The following ZDHHC21 variants were observed in gnomAD, a reference collection of about 807,000 sequenced individuals.
ZDHHC21 encodes the protein zDHHC palmitoyltransferase 21.
A neutral mutation model predicts 34.6 loss-of-function variants in ZDHHC21; 15 were observed. The observed-to-expected ratio is 0.43, with a 90% CI of 0.29 to 0.67. ZDHHC21 has a LOEUF of 0.67. Ranked by LOEUF, ZDHHC21 falls within the 30% of genes least tolerant of loss-of-function variation. The pLI is 0.14. For synonymous variants in ZDHHC21, 142 were observed against 101.8 expected (o/e 1.40, Z -2.38); for missense variants, 344 against 327.7 (o/e 1.05, Z -0.38).
chr9:14,646,433 T>C (rs1564281119), intron 7 of ZDHHC21, among the ~76,000 whole-genome samples: 1 of 152,092 alleles, frequency 6.6e-6, no homozygotes, highest in African/African-American at 2.4e-5. Flanking sequence ...TTAAAATACA[T>C]ATAAAACATA....
At position 14,616,745 on chromosome 9, in the gene ZDHHC21, T is replaced by C. The variant is rs992010490; in HGVS notation, c.*2221A>G. 2.0e-5 allele frequency: 3 copies of C among 151,850 alleles called. No homozygotes were observed. Among genetic ancestry groups the C allele is most frequent in the Non-Finnish European group, 2.9e-5 (2 of 67,816 alleles). 9.4% of individuals were successfully genotyped at this position (151,850 alleles called of 1,614,324 possible). A position where few individuals can be genotyped will look rare whatever the true frequency, so the allele number is the denominator to read the frequency against. ...ATACTGTAATATACATTCTTATGTA[T>C]ATATACTGATAGATAGCATTTCTGC... is the stretch of plus-strand genomic sequence containing the variant. On this transcript the variant is annotated 3_prime_UTR_variant, in exon 10 of 10. Transcript: ENST00000380916.
At chr9:14,656,791 C>G (rs1245906912) in intron 7 of ZDHHC21, among the ~76,000 whole-genome samples, 1 of 151,872 alleles carries the variant, frequency 6.6e-6, no homozygotes, top group African/African-American at 2.4e-5. Flanking sequence ...ATGCTACTAA[C>G]ATATTATTAT....
Position 14,619,570 on chromosome 9 carries a change from C to T in ZDHHC21, c.665+69G>A, listed in dbSNP as rs1824901557. On this transcript the variant is annotated intron_variant, in intron 9 of 9. Coordinates refer to ENST00000380916, the MANE Select transcript of ZDHHC21 (RefSeq NM_178566.6). ...TTATATTATCTATCTACCATATGCA[C>T]ATATTTCTCAAGTATGTCCAGTTCT... The T allele has an allele frequency of 3.4e-6, 4 of 1,188,366 alleles. No individual in the cohort carries two copies. The Admixed American group carries it at 7.1e-5, about 21-fold the overall frequency. 73.6% of individuals were successfully genotyped at this position (1,188,366 alleles called of 1,614,324 possible).
intron 5 of ZDHHC21, among the ~76,000 whole-genome samples, chr9:14,670,104 G>A (rs1032458361): frequency 3.3e-5 from 5 of 151,918 alleles, no homozygotes; most frequent in South Asian, 4.2e-4. Context: ...GCTCCACAAC[G>A]AGCCAATTTT....
intron 2 of ZDHHC21, among the ~76,000 whole-genome samples, chr9:14,683,356 G>T (rs1837720737): frequency 6.6e-6 from 1 of 152,062 alleles, no homozygotes; most frequent in African/African-American, 2.4e-5. Context: ...AATAAAAAAT[G>T]ATAAAGAGGA....
At position 14,618,970 on chromosome 9, in the gene ZDHHC21, A is replaced by C. The variant is rs1346934237; in HGVS notation, c.794T>G (p.Val265Gly). ...CTGTGCCCACCATCCATCTGTTTAG[A>C]CATGATTGGCAAAGTGGTAGGGAAC... ...LRVPYHFANH[V>G] The change falls in exon 10 of 10, where the codon GTC (valine) becomes GGC (glycine). Residue 265 changes from valine to glycine, a missense_variant. Transcript: ENST00000380916. The C allele has an allele frequency of 7.5e-6, 12 of 1,608,278 alleles. No individual in the cohort carries two copies. The Admixed American group carries it at 2.0e-4, about 27-fold the overall frequency.
rs1475440408 is a variant in ZDHHC21 at position 14,632,560 on chromosome 9, ACAAAAAGC to A, written c.621+7328_621+7335del. Among the ~76,000 whole-genome samples the A allele has an allele frequency of 2.3e-3, 142 of 60,526 alleles. 56 individuals carry two copies. Among genetic ancestry groups the A allele is most frequent in the African/African-American group, 5.5e-3 (55 of 10,046 alleles). The allele number at this position is 60,526 out of a possible 152,430, so 39.7% of individuals were successfully genotyped here. A position where few individuals can be genotyped will look rare whatever the true frequency, so the allele number is the denominator to read the frequency against. ...TAGGCAATGGTATCTTAGATATGAC[ACAAAAAGC>A]ATATACTACCCAAGAAAAAAATAAA... On this transcript the variant is annotated intron_variant, in intron 8 of 9. Coordinates refer to ENST00000380916, the MANE Select transcript of ZDHHC21 (RefSeq NM_178566.6).
intron 3 of ZDHHC21, among the ~76,000 whole-genome samples, chr9:14,679,374 G>C (rs1162804674): frequency 6.6e-6 from 1 of 152,108 alleles, no homozygotes; most frequent in Non-Finnish European, 1.5e-5. Context: ...CAATGCTTCT[G>C]TTTGAAATTT....
chr9:14,604,162 G>A, the ZDHHC21 span, among the ~76,000 whole-genome samples: 1 of 152,160 alleles, frequency 6.6e-6, no homozygotes, highest in Admixed American at 6.5e-5. Flanking sequence ...GTTGGTTGGA[G>A]TGTAAATTGG....
At chr9:14,632,003 T>C (rs1827429696) in intron 8 of ZDHHC21, among the ~76,000 whole-genome samples, 1 of 151,900 alleles carries the variant, frequency 6.6e-6, no homozygotes, top group Non-Finnish European at 1.5e-5. Flanking sequence ...GGGAATATTG[T>C]ACCGAAAGAC....
downstream of ZDHHC21, among the ~76,000 whole-genome samples, chr9:14,609,588 G>A (rs867776536): frequency 6.6e-6 from 1 of 152,054 alleles, no homozygotes; most frequent in African/African-American, 2.4e-5. Context: ...TTTCTGACAA[G>A]ATCAGTGGTA....
intron 8 of ZDHHC21, among the ~76,000 whole-genome samples, chr9:14,637,020 C>T (rs759304627): frequency 6.6e-6 from 1 of 151,192 alleles, no homozygotes; most frequent in Non-Finnish European, 1.5e-5. Context: ...TGAACCAAAC[C>T]GAAAATTAGT....
At chr9:14,619,130 G>C in intron 9 of ZDHHC21, 32 bp from the exon 10 acceptor site, 1 of 1,576,438 alleles carries the variant, frequency 6.3e-7, no homozygotes, top group Non-Finnish European at 8.6e-7. Context: ...GTGAAAGACA[G>C]CACTCCCATG....
At chr9:14,592,228 G>A in the ZDHHC21 span, among the ~76,000 whole-genome samples, 1 of 151,930 alleles carries the variant, frequency 6.6e-6, no homozygotes, top group South Asian at 2.1e-4. Context: ...AGCAGTTAGT[G>A]TAACAATTAG....
chr9:14,643,541 T>A (rs904494589), intron 7 of ZDHHC21, among the ~76,000 whole-genome samples: 3 of 152,224 alleles, frequency 2.0e-5, no homozygotes, highest in African/African-American at 7.2e-5. Context: ...AATGTATCAA[T>A]CTTTTCCTTT....
chr9:14,654,014 T>C (rs543744282), intron 7 of ZDHHC21, among the ~76,000 whole-genome samples: 2 of 152,152 alleles, frequency 1.3e-5, no homozygotes, highest in African/African-American at 4.8e-5. Context: ...CCATATATTC[T>C]GCACTGCTTT....
chr9:14,590,065 A>C, the ZDHHC21 span: 1 of 152,238 alleles, frequency 6.6e-6, no homozygotes, highest in Non-Finnish European at 1.5e-5. Context: ...TATTTAAAGA[A>C]AAACATGTAT....
chr9:14,622,012 G>A (rs918935130), intron 8 of ZDHHC21, among the ~76,000 whole-genome samples: 4 of 152,022 alleles, frequency 2.6e-5, no homozygotes, highest in Admixed American at 1.3e-4. Context: ...CAAAATATAA[G>A]TCCTCAGTTA....
intron 8 of ZDHHC21, among the ~76,000 whole-genome samples, chr9:14,636,352 A>C (rs1211849551): frequency 6.6e-6 from 1 of 152,226 alleles, no homozygotes; most frequent in Admixed American, 6.5e-5. Context: ...CAATTCAGTA[A>C]GAAGATATAA....
Sources: allele counts gnomAD v4.1 joint callset (sites outside exome capture counted in the v4.1 genomes callset), GRCh38; gene constraint gnomAD v4.1.1; transcripts MANE v1.5; gene names NCBI Gene and HGNC (gene_info 2026-07-23, HGNC 2026-07-21).